The following PELI2 variants were observed in gnomAD, a reference collection of about 807,000 sequenced individuals.
The protein encoded by PELI2 is pellino E3 ubiquitin protein ligase family member 2.
A neutral mutation model predicts 42.3 loss-of-function variants in PELI2; 23 were observed. The ratio of observed to expected loss-of-function variants is 0.54; its 90% CI spans 0.39 to 0.77. The LOEUF (loss-of-function observed/expected upper bound fraction) is 0.77. Among genes scored for constraint, PELI2 ranks in the 30% least tolerant of loss-of-function variants. The pLI is 0.00. For synonymous variants in PELI2, 245 were observed against 212.2 expected, an observed-to-expected ratio of 1.15 and a Z score of -1.34; for missense variants, 463 against 553.2, an observed-to-expected ratio of 0.84 and a Z score of 1.64.
At chr14:56,215,996 A>T (rs1258166513) in intron 2 of PELI2, among the ~76,000 whole-genome samples, 1 of 152,242 alleles carries the variant, frequency 6.6e-6, no homozygotes, top group Non-Finnish European at 1.5e-5. Flanking sequence ...TGGGAAATAC[A>T]TGCCAGTACT....
At chr14:56,190,899 G>T (rs957736783) in intron 2 of PELI2, among the ~76,000 whole-genome samples, 6 of 152,210 alleles carry the variant, frequency 3.9e-5, no homozygotes, top group African/African-American at 1.4e-4. Flanking sequence ...AATTTGAATT[G>T]TAGTTATTTG....
intron 2 of PELI2, among the ~76,000 whole-genome samples, chr14:56,208,830 C>T (rs1183466053): frequency 6.6e-6 from 1 of 152,088 alleles, no homozygotes; most frequent in Non-Finnish European, 1.5e-5. Flanking sequence ...CCATTTTTAC[C>T]TAAAAGAATG....
At chr14:56,260,299 A>G (rs906696708) in intron 2 of PELI2, among the ~76,000 whole-genome samples, 2 of 152,192 alleles carry the variant, frequency 1.3e-5, no homozygotes, top group Non-Finnish European at 2.9e-5. Context: ...ATAACTACTA[A>G]TAGAGAAAAA....
At chr14:56,291,138 C>T (rs1467750388) in intron 5 of PELI2, among the ~76,000 whole-genome samples, 1 of 152,182 alleles carries the variant, frequency 6.6e-6, no homozygotes, top group Admixed American at 6.5e-5. Context: ...CCATGTAGCA[C>T]AGCCACTGAT....
intron 1 of PELI2, among the ~76,000 whole-genome samples, chr14:56,157,865 A>G (rs1436073783): frequency 1.3e-5 from 2 of 152,232 alleles, no homozygotes; most frequent in Non-Finnish European, 2.9e-5. Flanking sequence ...GGTATGATAC[A>G]GAGGATTCCA....
At position 56,193,536 on chromosome 14, in the gene PELI2, G is replaced by A. The variant is rs142043107; in HGVS notation, c.207+15072G>A. On this transcript the variant is annotated intron_variant, in intron 2 of 5. Transcript: ENST00000267460. ...TGACAATGGGAAAGGAAAAAGAGAA[G>A]AAGCTGCAAGCAAATACTTAGTCAT... is the stretch of plus-strand genomic sequence containing the variant. 7.5e-3 allele frequency among the ~76,000 whole-genome samples: 1,149 copies of A among 152,280 alleles called. 13 individuals are homozygous for A. The highest frequency in any genetic ancestry group is 0.026 in the African/African-American group (1,096 of 41,558).
At chr14:56,193,620 A>G (rs1181011878) in intron 2 of PELI2, among the ~76,000 whole-genome samples, 1 of 152,226 alleles carries the variant, frequency 6.6e-6, no homozygotes, top group African/African-American at 2.4e-5. Flanking sequence ...CTAGTGATAC[A>G]TGCAACTGAA....
At position 56,297,445 on chromosome 14, in the gene PELI2, C is replaced by T. The variant is rs532358956; in HGVS notation, c.*279C>T. 23 of 312,706 alleles carry T rather than the reference C, an allele frequency of 7.4e-5. No individual in the cohort carries two copies. The highest frequency in any genetic ancestry group is 4.9e-4 in the African/African-American group (22 of 44,474). The allele number at this position is 312,706 out of a possible 1,614,324, so 19.4% of individuals were successfully genotyped here. On this transcript the variant is annotated 3_prime_UTR_variant, in exon 6 of 6. Transcript: ENST00000267460. ...AAAATGCTATGCTTCTATTTTTAAC[C>T]TTGGGTTTTTAACCAAGTTTTTTTT...
intron 2 of PELI2, among the ~76,000 whole-genome samples, chr14:56,234,653 T>C (rs1160423849): frequency 6.6e-6 from 1 of 152,072 alleles, no homozygotes; most frequent in African/African-American, 2.4e-5. Flanking sequence ...CTAATGTAAA[T>C]GATGAGTTAA....
chr14:56,222,966 A>G (rs1448252663), intron 2 of PELI2, among the ~76,000 whole-genome samples: 8 of 152,216 alleles, frequency 5.3e-5, no homozygotes, highest in African/African-American at 1.9e-4. Context: ...GGACAAAATG[A>G]TACCTTGGCA....
intron 2 of PELI2, among the ~76,000 whole-genome samples, chr14:56,230,095 C>G (rs1887502600): frequency 6.6e-6 from 1 of 152,114 alleles, no homozygotes; most frequent in African/African-American, 2.4e-5. Flanking sequence ...AAATACAAGA[C>G]TATGTGAAAA....
chr14:56,118,692 C>G lies in PELI2; in HGVS notation c.32C>G (p.Ala11Gly), dbSNP rs1012608989. The stretch of plus-strand genomic sequence containing the variant: ...TCCCCTGGCCAGGAGGAACACTGCG[C>G]CCCCAATAAGGAGCCAGTGAAATAC... Reference protein sequence around the residue: MFSPGQEEHCAPNKEPVKYGE... With the variant: MFSPGQEEHCGPNKEPVKYGE... Residue 11 changes from alanine to glycine, a missense_variant, in exon 1 of 6, where the codon GCC (alanine) becomes GGC (glycine). Physicochemically the swap from Ala to Gly is moderately conservative, Grantham distance 60 (BLOSUM62 0). Around this residue, in one of 3 missense-constraint regions of PELI2, gnomAD observed 343 missense variants for 378.4 expected, o/e 0.91. Coordinates refer to ENST00000267460, the MANE Select transcript of PELI2 (RefSeq NM_021255.3). The G allele has an allele frequency of 2.6e-6, 4 of 1,520,628 alleles. 1 individual carries two copies. The African/African-American group carries it at 5.7e-5, about 22-fold the overall frequency. 94.2% of individuals were successfully genotyped at this position (1,520,628 alleles called of 1,614,324 possible).
intron 2 of PELI2, among the ~76,000 whole-genome samples, chr14:56,232,551 A>G (rs1238887747): frequency 2.6e-5 from 4 of 152,132 alleles, no homozygotes; most frequent in Non-Finnish European, 1.5e-5. Context: ...CTTTGACAAA[A>G]TTCAACAGCC....
At chr14:56,205,351 A>G (rs1007956006) in intron 2 of PELI2, among the ~76,000 whole-genome samples, 3 of 152,192 alleles carry the variant, frequency 2.0e-5, no homozygotes, top group African/African-American at 4.8e-5. Context: ...TTACTCATAT[A>G]TATTTTTTAA....
At chr14:56,282,964 A>G (rs1889528581) in intron 3 of PELI2, among the ~76,000 whole-genome samples, 1 of 152,216 alleles carries the variant, frequency 6.6e-6, no homozygotes, top group Admixed American at 6.5e-5. Flanking sequence ...CTATTTCACA[A>G]TTGTCAGTGA....
rs374510099 is a variant in PELI2 at position 56,124,057 on chromosome 14, A to G, written c.77+5320A>G. Among the ~76,000 whole-genome samples the G allele has an allele frequency of 1.3e-4, 20 of 152,384 alleles. No homozygotes were observed. The South Asian group carries it at 4.1e-3, about 32-fold the overall frequency. On this transcript the variant is annotated intron_variant, in intron 1 of 5. Transcript: ENST00000267460. Reference sequence around the variant, plus strand: ...TAAACGTTTCTCCTGGGGTGTGCAGAAATCTATTTTATAAAAAGAAAAGTA... The same window carrying G: ...TAAACGTTTCTCCTGGGGTGTGCAGGAATCTATTTTATAAAAAGAAAAGTA...
At chr14:56,147,527 C>A (rs1884173220) in intron 1 of PELI2, among the ~76,000 whole-genome samples, 1 of 152,176 alleles carries the variant, frequency 6.6e-6, no homozygotes, top group Admixed American at 6.5e-5. Context: ...TACACCAGCA[C>A]CAAATTGCAT....
Position 56,298,890 on chromosome 14 carries a change from TC to T in PELI2, c.*1726del, listed in dbSNP as rs1285870351. On this transcript the variant is annotated 3_prime_UTR_variant, in exon 6 of 6. Coordinates refer to ENST00000267460, the MANE Select transcript of PELI2 (RefSeq NM_021255.3). ...ATGGTGTGAAAATCGATGACAACAG[TC>T]CTCTTACAGATAGCTTGCTGTATTC... 4.6e-5 allele frequency: 7 copies of T among 152,338 alleles called. No individual in the cohort carries two copies. In the East Asian group the frequency reaches 1.4e-3, roughly 29 times the overall value. The allele number at this position is 152,338 out of a possible 1,614,324, so 9.4% of individuals were successfully genotyped here.
intron 2 of PELI2, among the ~76,000 whole-genome samples, chr14:56,204,390 C>T (rs1250202049): frequency 6.6e-6 from 1 of 152,058 alleles, no homozygotes; most frequent in Non-Finnish European, 1.5e-5. Context: ...GATGTGGCAG[C>T]TAAGAGAGCC....
Sources: allele counts gnomAD v4.1 joint callset (sites outside exome capture counted in the v4.1 genomes callset), GRCh38; gene constraint gnomAD v4.1.1; regional missense constraint gnomAD v4.1.1; transcripts MANE v1.5; gene names NCBI Gene and HGNC (gene_info 2026-07-23, HGNC 2026-07-21).